Variants in CNTN5 observed in about 807,000 individuals in gnomAD.
CNTN5 encodes the protein contactin 5.
A neutral mutation model predicts 129.1 loss-of-function variants in CNTN5; 77 were observed. The observed-to-expected ratio is 0.60, with a 90% CI of 0.50 to 0.72. CNTN5 has a LOEUF of 0.72. Among genes scored for constraint, CNTN5 ranks in the 30% least tolerant of loss-of-function variants. CNTN5 has a pLI of 0.00. For synonymous variants in CNTN5, 509 were observed against 465.6 expected, an observed-to-expected ratio of 1.09 and a Z score of -1.20; for missense variants, 1,478 against 1,328.8, an observed-to-expected ratio of 1.11 and a Z score of -1.75.
At chr11:99,280,898 T>C (rs1471382952) in intron 1 of CNTN5, among the ~76,000 whole-genome samples, 3 of 151,682 alleles carry the variant, frequency 2.0e-5, no homozygotes, top group Non-Finnish European at 2.9e-5. Flanking sequence ...GTTAATTATA[T>C]TGAATATATT....
At chr11:100,116,863 A>T (rs756852476) in intron 13 of CNTN5, among the ~76,000 whole-genome samples, 3 of 152,008 alleles carry the variant, frequency 2.0e-5, no homozygotes, top group Non-Finnish European at 4.4e-5. Context: ...GGTATATAGC[A>T]AAGTGAATGA....
At chr11:99,676,819 A>T (rs1953308777) in intron 3 of CNTN5, among the ~76,000 whole-genome samples, 1 of 152,192 alleles carries the variant, frequency 6.6e-6, no homozygotes, top group African/African-American at 2.4e-5. Context: ...AGGAAAATTT[A>T]TTACTGAAAT....
chr11:100,323,095 G>A (rs1268495964), intron 21 of CNTN5, among the ~76,000 whole-genome samples: 1 of 152,144 alleles, frequency 6.6e-6, no homozygotes, highest in African/African-American at 2.4e-5. Flanking sequence ...GAACATGCAG[G>A]TTAGAAAATG....
chr11:99,110,383 C>G (rs1173720664), intron 1 of CNTN5, among the ~76,000 whole-genome samples: 6 of 151,972 alleles, frequency 3.9e-5, no homozygotes, highest in Non-Finnish European at 5.9e-5. Context: ...CTCGCTTTTT[C>G]AAAGCATATT....
rs538985800 is a variant in CNTN5 at position 99,218,266 on chromosome 11, C to T, written c.-209-107080C>T. ...TGACTTAATGTGTTTGTCTTTTCTG[C>T]CTTTTTGCTGGCTCCTCATTCTCTT... On this transcript the variant is annotated intron_variant, in intron 1 of 24. Coordinates refer to ENST00000524871, the MANE Select transcript of CNTN5 (RefSeq NM_014361.4). Among the ~76,000 whole-genome samples, 3 of 152,218 alleles carry T rather than the reference C, an allele frequency of 2.0e-5. No homozygotes were observed. In the East Asian group the frequency reaches 5.8e-4, roughly 29 times the overall value.
intron 7 of CNTN5, among the ~76,000 whole-genome samples, chr11:99,947,300 C>A (rs762486398): frequency 6.7e-6 from 1 of 149,794 alleles, no homozygotes; most frequent in African/African-American, 2.4e-5. Context: ...AGATTTATTA[C>A]AGTGATTACA....
intron 1 of CNTN5, among the ~76,000 whole-genome samples, chr11:99,278,810 A>C (rs1863566153): frequency 1.3e-5 from 2 of 151,740 alleles, no homozygotes; most frequent in Non-Finnish European, 2.9e-5. Context: ...TCTGTATTAA[A>C]TATACATTAT....
At chr11:99,471,149 T>TA (rs35399858) in intron 2 of CNTN5, among the ~76,000 whole-genome samples, 100,106 of 148,310 alleles carry the variant, frequency 0.67, 33,780 homozygotes, top group East Asian at 0.9. Flanking sequence ...GTAATGTTGC[T>TA]AAAAAAAAAA....
chr11:100,218,709 T>C (rs1949195758), intron 15 of CNTN5, among the ~76,000 whole-genome samples: 1 of 152,226 alleles, frequency 6.6e-6, no homozygotes. Flanking sequence ...GGTCTTAACA[T>C]ATGAGATATA....
intron 1 of CNTN5, among the ~76,000 whole-genome samples, chr11:99,248,510 T>C (rs1335231106): frequency 6.6e-6 from 1 of 152,180 alleles, no homozygotes; most frequent in African/African-American, 2.4e-5. Flanking sequence ...CCATTGCTTT[T>C]GGTGTTTTAG....
At chr11:99,267,465 G>A (rs1397006644) in intron 1 of CNTN5, among the ~76,000 whole-genome samples, 1 of 151,924 alleles carries the variant, frequency 6.6e-6, no homozygotes, top group Admixed American at 6.6e-5. Context: ...ATTCAAAAAT[G>A]TAACACTTAT....
intron 3 of CNTN5, among the ~76,000 whole-genome samples, chr11:99,804,008 G>A (rs375949254): frequency 6.6e-6 from 1 of 152,070 alleles, no homozygotes; most frequent in South Asian, 2.1e-4. Flanking sequence ...ACTCTTAGTG[G>A]GGTCTTTAAA....
At chr11:100,078,021 A>G (rs1269057893) in intron 13 of CNTN5, among the ~76,000 whole-genome samples, 1 of 152,188 alleles carries the variant, frequency 6.6e-6, no homozygotes. Flanking sequence ...AATTTAATTT[A>G]GCATTACTTA....
At chr11:99,449,213 G>A (rs138090882) in intron 2 of CNTN5, among the ~76,000 whole-genome samples, 10 of 152,162 alleles carry the variant, frequency 6.6e-5, no homozygotes, top group Non-Finnish European at 8.8e-5. Context: ...TTTTTAACTC[G>A]TTTTCAGAAG....
intron 2 of CNTN5, among the ~76,000 whole-genome samples, chr11:99,457,894 A>T (rs574422174): frequency 4.0e-5 from 6 of 151,852 alleles, no homozygotes; most frequent in African/African-American, 1.4e-4. Context: ...CCGCTGCAGG[A>T]TTTTAGATTA....
intron 1 of CNTN5, among the ~76,000 whole-genome samples, chr11:99,078,679 A>G (rs1328376533): frequency 1.3e-5 from 2 of 152,216 alleles, no homozygotes; most frequent in Non-Finnish European, 2.9e-5. Flanking sequence ...TAAGTGAAAT[A>G]ATCCAGGCAC....
chr11:99,957,067 T>G, intron 8 of CNTN5, 58 bp downstream of exon 8: 1 of 1,416,096 alleles, frequency 7.1e-7, no homozygotes, highest in Non-Finnish European at 9.6e-7. Context: ...AATAAAGATG[T>G]ATTAGTGTGT....
At chr11:99,667,379 T>C (rs1952835773) in intron 3 of CNTN5, among the ~76,000 whole-genome samples, 1 of 152,198 alleles carries the variant, frequency 6.6e-6, no homozygotes, top group African/African-American at 2.4e-5. Context: ...AAATGGCATT[T>C]ATAAGACGTG....
At chr11:99,915,095 A>G (rs1949753868) in intron 6 of CNTN5, among the ~76,000 whole-genome samples, 1 of 152,072 alleles carries the variant, frequency 6.6e-6, no homozygotes, top group South Asian at 2.1e-4. Flanking sequence ...AACATTTCTA[A>G]GAAGCATTTC....
Sources: gnomAD v4.1 joint callset for allele counts (sites outside exome capture counted in the v4.1 genomes callset) on GRCh38, gnomAD v4.1.1 for gene constraint, MANE v1.5 for transcripts, NCBI Gene and HGNC (gene_info 2026-07-23, HGNC 2026-07-21) for gene names.